The following DPYD variants were observed in gnomAD, a reference collection of about 807,000 sequenced individuals.
DPYD encodes the protein dihydropyrimidine dehydrogenase [NADP(+)].
Under a neutral mutation model 116.2 loss-of-function variants are expected in DPYD, and 109 were observed. The observed-to-expected ratio is 0.94, with a 90% CI of 0.80 to 1.10. The LOEUF (loss-of-function observed/expected upper bound fraction) is 1.10. Ranked by LOEUF, DPYD falls within the 50% of genes least tolerant of loss-of-function variation. The pLI, the probability that DPYD is intolerant of heterozygous loss-of-function variation, is 0.00. For missense variants in DPYD, 1,302 were observed against 1,254.5 expected, an observed-to-expected ratio of 1.04 and a Z score of -0.57; for synonymous variants, 440 against 432.0, an observed-to-expected ratio of 1.02 and a Z score of -0.23.
intron 13 of DPYD, among the ~76,000 whole-genome samples, chr1:97,492,412 C>G (rs1342510554): frequency 1.3e-5 from 2 of 152,102 alleles, no homozygotes; most frequent in Admixed American, 6.5e-5. Context: ...TAAGGAAAAT[C>G]TCTGTGGTCA....
intron 16 of DPYD, among the ~76,000 whole-genome samples, chr1:97,360,536 T>C (rs1031033689): frequency 6.6e-6 from 1 of 151,896 alleles, no homozygotes; most frequent in East Asian, 1.9e-4. Context: ...AATTCCAAAA[T>C]TGACCACATA....
chr1:97,849,026 T>C lies in DPYD; in HGVS notation c.151-20830A>G, dbSNP rs577322242. Among the ~76,000 whole-genome samples the C allele has an allele frequency of 1.5e-4, 23 of 152,218 alleles. No homozygotes were observed. The South Asian group carries it at 4.8e-3, about 32-fold the overall frequency. On this transcript the variant is annotated intron_variant, in intron 2 of 22. Transcript: ENST00000370192. ...ACACCAATTGAGGCATTGGTTATGA[T>C]AGCAAAAAACAAAACAAACAAAAAA...
chr1:97,201,368 TACTC>T (rs1557933902), intron 19 of DPYD, among the ~76,000 whole-genome samples: 1 of 152,150 alleles, frequency 6.6e-6, no homozygotes, highest in Non-Finnish European at 1.5e-5. Context: ...AATCAATAAT[TACTC>T]ACGGAATTGA....
intron 6 of DPYD, among the ~76,000 whole-genome samples, chr1:97,698,334 T>C (rs1187071596): frequency 6.6e-6 from 1 of 151,912 alleles, no homozygotes; most frequent in Non-Finnish European, 1.5e-5. Context: ...TTTATATCAA[T>C]GATACAAATA....
intron 12 of DPYD, among the ~76,000 whole-genome samples, chr1:97,536,882 C>T (rs1280922762): frequency 2.0e-5 from 3 of 152,138 alleles, no homozygotes; most frequent in South Asian, 4.1e-4. Context: ...ACTGTAAGGT[C>T]GAATAAGCTG....
At chr1:97,743,190 A>G (rs963206936) in intron 3 of DPYD, among the ~76,000 whole-genome samples, 1 of 152,136 alleles carries the variant, frequency 6.6e-6, no homozygotes, top group Admixed American at 6.6e-5. Context: ...CACAAATAAC[A>G]GCTGTTGAAA....
chr1:97,672,887 T>G (rs1238699220), intron 8 of DPYD, among the ~76,000 whole-genome samples: 1 of 152,086 alleles, frequency 6.6e-6, no homozygotes, highest in African/African-American at 2.4e-5. Context: ...GTTATAATAT[T>G]TGGGAATCTT....
In DPYD at chr1:97,716,386, C is replaced by A. The variant is rs941925293; in HGVS notation, c.483+5124G>T. The stretch of plus-strand genomic sequence containing the variant: ...CATATATAAAAATATAAAACTGTAG[C>A]AATTAATACATTTTGTGTCAGTGAA... On this transcript the variant is annotated intron_variant, in intron 5 of 22. Coordinates refer to ENST00000370192, the MANE Select transcript of DPYD (RefSeq NM_000110.4). 9.2e-5 allele frequency among the ~76,000 whole-genome samples: 14 copies of A among 151,914 alleles called. No individual in the cohort carries two copies. In the South Asian group the frequency reaches 2.9e-3, roughly 32 times the overall value.
At chr1:97,115,464 A>G (rs1006980081) in intron 20 of DPYD, among the ~76,000 whole-genome samples, 1 of 152,214 alleles carries the variant, frequency 6.6e-6, no homozygotes, top group Non-Finnish European at 1.5e-5. Flanking sequence ...TAGAAGAATT[A>G]AAAGGTGCAT....
At chr1:97,109,958 A>G (rs1219780601) in intron 20 of DPYD, among the ~76,000 whole-genome samples, 2 of 152,148 alleles carry the variant, frequency 1.3e-5, no homozygotes, top group East Asian at 1.9e-4. Flanking sequence ...CACAAATAAT[A>G]GCTTCTCCAT....
At chr1:97,468,199 T>C (rs1425388095) in intron 13 of DPYD, among the ~76,000 whole-genome samples, 1 of 152,246 alleles carries the variant, frequency 6.6e-6, no homozygotes, top group African/African-American at 2.4e-5. Context: ...CAGTTGTTGC[T>C]TTCTTACTGC....
chr1:97,500,370 T>A (rs2101928541), intron 13 of DPYD, among the ~76,000 whole-genome samples: 1 of 152,174 alleles, frequency 6.6e-6, no homozygotes, highest in South Asian at 2.1e-4. Flanking sequence ...AGTTAAAATA[T>A]CATCCAAACT....
At chr1:97,401,338 G>T (rs1363069274) in intron 14 of DPYD, among the ~76,000 whole-genome samples, 1 of 152,030 alleles carries the variant, frequency 6.6e-6, no homozygotes, top group Admixed American at 6.6e-5. Flanking sequence ...GTTTGAGACG[G>T]AGTCTTGCTC....
intron 3 of DPYD, among the ~76,000 whole-genome samples, chr1:97,743,450 TACTGGTGAGATGTTTTATTAA>T (rs1253623689): frequency 4.6e-5 from 7 of 152,128 alleles, no homozygotes; most frequent in Non-Finnish European, 1.0e-4. Flanking sequence ...CTGGAATGCA[TACTGGTGAGATGTTTTATTAA>T]ACTTTGAGCG....
intron 14 of DPYD, among the ~76,000 whole-genome samples, chr1:97,434,908 G>T (rs1675388026): frequency 6.6e-6 from 1 of 151,926 alleles, no homozygotes. Context: ...GTCTTATCAT[G>T]CAATCAGGAT....
intron 19 of DPYD, among the ~76,000 whole-genome samples, chr1:97,228,265 A>G (rs1352917944): frequency 6.6e-6 from 1 of 152,084 alleles, no homozygotes; most frequent in Non-Finnish European, 1.5e-5. Flanking sequence ...TGTGATGCAT[A>G]TAAAGCAATA....
intron 16 of DPYD, among the ~76,000 whole-genome samples, chr1:97,360,297 C>G (rs1466581259): frequency 2.0e-5 from 3 of 152,120 alleles, no homozygotes; most frequent in African/African-American, 7.2e-5. Context: ...ATTCATAAAG[C>G]AAGTCCTTAG....
intron 18 of DPYD, among the ~76,000 whole-genome samples, chr1:97,300,288 CTATCTT>C (rs1285458075): frequency 6.6e-6 from 1 of 152,080 alleles, no homozygotes. Flanking sequence ...CATTTAAATT[CTATCTT>C]TATCTATCAG....
intron 2 of DPYD, among the ~76,000 whole-genome samples, chr1:97,839,498 T>G (rs549703980): frequency 1.3e-5 from 2 of 150,032 alleles, no homozygotes; most frequent in Non-Finnish European, 3.0e-5. Context: ...CAGCAATTCT[T>G]TGTGTGTGTG....
Sources: allele counts gnomAD v4.1 joint callset (sites outside exome capture counted in the v4.1 genomes callset), GRCh38; gene constraint gnomAD v4.1.1; transcripts MANE v1.5; gene names NCBI Gene and HGNC (gene_info 2026-07-23, HGNC 2026-07-21).